The following BSPH1 variants were observed in gnomAD, a reference collection of about 807,000 sequenced individuals.
The protein encoded by BSPH1 is binder of sperm 1.
In BSPH1, 21 loss-of-function variants were observed where a neutral mutation model predicts 22.5. The ratio of observed to expected loss-of-function variants is 0.93; its 90% CI spans 0.66 to 1.35. The LOEUF (loss-of-function observed/expected upper bound fraction) is 1.35, where lower values mean the gene tolerates loss of function less well. Ranked by LOEUF, BSPH1 falls within the 40% of genes most tolerant of loss-of-function variation. The probability of loss-of-function intolerance (pLI) is 0.00; values close to 1 mark genes in which losing one functional copy is unlikely to be tolerated. For synonymous variants in BSPH1, 42 were observed against 53.6 expected, an observed-to-expected ratio of 0.78 and a Z score of 0.95; for missense variants, 141 against 154.2, an observed-to-expected ratio of 0.91 and a Z score of 0.45.
intron 5 of BSPH1, among the ~76,000 whole-genome samples, chr19:47,973,549 G>A (rs1969331873): frequency 6.6e-6 from 1 of 152,100 alleles, no homozygotes; most frequent in South Asian, 2.1e-4. Flanking sequence ...AATATTTTGA[G>A]GTTAAGAGAA....
chr19:47,971,420 G>A (rs552833856), intron 5 of BSPH1, among the ~76,000 whole-genome samples: 87 of 152,320 alleles, frequency 5.7e-4, no homozygotes, highest in African/African-American at 2.0e-3. Context: ...TGGCCAGGCT[G>A]GTCTCGAATT....
At chr19:47,985,229 A>T (rs1568398873) in intron 1 of BSPH1, among the ~76,000 whole-genome samples, 1 of 152,164 alleles carries the variant, frequency 6.6e-6, no homozygotes, top group South Asian at 2.1e-4. Flanking sequence ...AAAATTTTTT[A>T]AAAGAAAAAT....
chr19:47,990,436 T>C (rs948115714), intron 1 of BSPH1, among the ~76,000 whole-genome samples: 5 of 152,160 alleles, frequency 3.3e-5, no homozygotes, highest in African/African-American at 9.7e-5. Flanking sequence ...TTTCCACTTA[T>C]CTATATTCCT....
intron 5 of BSPH1, among the ~76,000 whole-genome samples, chr19:47,975,411 C>G (rs1969352290): frequency 6.6e-6 from 1 of 152,186 alleles, no homozygotes; most frequent in Non-Finnish European, 1.5e-5. Context: ...AGCCAGCTCT[C>G]AAGTGCTGGC....
At chr19:47,973,810 G>T (rs192654889) in intron 5 of BSPH1, among the ~76,000 whole-genome samples, 48 of 152,280 alleles carry the variant, frequency 3.2e-4, no homozygotes, top group Non-Finnish European at 6.8e-4. Flanking sequence ...CCAATCTACT[G>T]AGCCTCTACC....
intron 3 of BSPH1, among the ~76,000 whole-genome samples, chr19:47,978,488 A>G (rs542273773): frequency 6.6e-6 from 1 of 152,152 alleles, no homozygotes; most frequent in Non-Finnish European, 1.5e-5. Context: ...GATTTTTCCT[A>G]CTGTAAATAC....
At chr19:47,973,346 T>C (rs1169909872) in intron 5 of BSPH1, among the ~76,000 whole-genome samples, 2 of 152,108 alleles carry the variant, frequency 1.3e-5, no homozygotes, top group African/African-American at 2.4e-5. Flanking sequence ...TACTCACTTC[T>C]AGGGAACAGT....
intron 1 of BSPH1, among the ~76,000 whole-genome samples, chr19:47,987,305 G>A (rs756962187): frequency 2.6e-5 from 4 of 151,806 alleles, no homozygotes; most frequent in Non-Finnish European, 4.4e-5. Flanking sequence ...GATTAACCCC[G>A]TCCTCGGAAT....
chr19:47,977,694 G>T, intron 3 of BSPH1, 190 bp from the exon 4 acceptor site: 1 of 984,738 alleles, frequency 1.0e-6, no homozygotes. Context: ...TTATATTCCT[G>T]CCCCTGCCCT....
intron 2 of BSPH1, chr19:47,980,434 T>C: frequency 3.9e-6 from 2 of 513,116 alleles, no homozygotes; most frequent in Non-Finnish European, 2.5e-6. Flanking sequence ...CACCCAAAAG[T>C]AAAATTAACA....
chr19:47,968,231 G>A (rs1237437014), intron 5 of BSPH1, 22 bp from the exon 6 acceptor site: 1 of 152,136 alleles, frequency 6.6e-6, no homozygotes, highest in Non-Finnish European at 1.5e-5. Flanking sequence ...AACAGAAGCA[G>A]AAATCAGAAA....
intron 1 of BSPH1, chr19:47,981,697 C>T (rs758693836): frequency 8.1e-5 from 72 of 892,072 alleles, no homozygotes; most frequent in Non-Finnish European, 9.7e-5. Flanking sequence ...GGAGAGAGAA[C>T]ATTAGGATGT....
chr19:47,968,323 C>T (rs1210146932), intron 5 of BSPH1, 114 bp from the exon 6 acceptor site: 1 of 151,640 alleles, frequency 6.6e-6, no homozygotes, highest in Non-Finnish European at 1.5e-5. Context: ...TGGAGACACA[C>T]ATCTTTTCTG....
intron 1 of BSPH1, 123 bp downstream of exon 1, chr19:47,991,886 C>T (rs1348561075): frequency 3.4e-6 from 2 of 594,016 alleles, no homozygotes; most frequent in Non-Finnish European, 6.1e-6. Flanking sequence ...CCTCCTTCCC[C>T]TCTTCCCCTT....
At chr19:47,982,803 A>G (rs2042911) in intron 1 of BSPH1, among the ~76,000 whole-genome samples, 104,011 of 152,024 alleles carry the variant, frequency 0.68, 36,074 homozygotes, top group African/African-American at 0.79. Flanking sequence ...AATAGATGCC[A>G]CCACATGGAT....
intron 1 of BSPH1, among the ~76,000 whole-genome samples, chr19:47,989,524 T>C (rs1204136555): frequency 1.3e-5 from 2 of 151,758 alleles, no homozygotes; most frequent in Admixed American, 6.6e-5. Context: ...CTCTCATACA[T>C]CCCCACTCAT....
chr19:47,987,279 C>T (rs59608448), intron 1 of BSPH1, among the ~76,000 whole-genome samples: 6,438 of 152,170 alleles, frequency 0.042, 300 homozygotes, highest in East Asian at 0.14. Flanking sequence ...GGTGCTAATT[C>T]GCCGTGTTGG....
intron 3 of BSPH1, among the ~76,000 whole-genome samples, chr19:47,977,983 G>T (rs1969381717): frequency 8.5e-6 from 1 of 117,668 alleles, no homozygotes; most frequent in Admixed American, 9.5e-5. Flanking sequence ...TTGTATATAT[G>T]CTGTATGGTT....
At chr19:47,980,474 T>TTTA in intron 2 of BSPH1, 1 of 279,908 alleles carries the variant, frequency 3.6e-6, no homozygotes, top group Non-Finnish European at 4.9e-6. Flanking sequence ...CCTCTTCTTC[T>TTTA]TTCTTTTTTT....
Sources: allele counts gnomAD v4.1 joint callset (sites outside exome capture counted in the v4.1 genomes callset), GRCh38; gene constraint gnomAD v4.1.1; transcripts MANE v1.5; gene names NCBI Gene and HGNC (gene_info 2026-07-23, HGNC 2026-07-21).